The following NBEA variants were observed in gnomAD, a reference collection of about 807,000 sequenced individuals.
NBEA encodes the protein lysosomal-trafficking regulator 2.
NBEA carries 44 observed loss-of-function variants against 343.4 expected under a neutral mutation model. The ratio of observed to expected loss-of-function variants is 0.13; its 90% CI spans 0.10 to 0.16. NBEA has a LOEUF of 0.16. NBEA is among the 10% of genes least tolerant of loss of function. NBEA has a pLI of 1.00. For missense variants in NBEA, 2,555 were observed against 3,631.3 expected (o/e 0.70, Z 7.62); for synonymous variants, 1,175 against 1,238.7 (o/e 0.95, Z 1.08).
intron 41 of NBEA, among the ~76,000 whole-genome samples, chr13:35,541,742 G>GTGTA (rs2078836295): frequency 6.6e-6 from 1 of 151,624 alleles, no homozygotes; most frequent in South Asian, 2.1e-4. Flanking sequence ...GTGTGTGTGT[G>GTGTA]TGTGTGTGTG....
intron 33 of NBEA, among the ~76,000 whole-genome samples, chr13:35,214,210 T>C (rs2073943667): frequency 6.6e-6 from 1 of 152,004 alleles, no homozygotes; most frequent in Non-Finnish European, 1.5e-5. Context: ...CTATAGATAT[T>C]TGAAAACACG....
intron 36 of NBEA, among the ~76,000 whole-genome samples, chr13:35,326,119 T>C (rs973278024): frequency 6.6e-6 from 1 of 152,100 alleles, no homozygotes; most frequent in South Asian, 2.1e-4. Flanking sequence ...TTAGGGTTGC[T>C]TTGGCTGTTC....
chr13:35,476,044 C>G (rs2075847436), intron 41 of NBEA: 1 of 1,614,150 alleles, frequency 6.2e-7, no homozygotes, highest in Non-Finnish European at 8.5e-7. Context: ...GCAGACTTCC[C>G]GGATAGTTTT....
intron 28 of NBEA, among the ~76,000 whole-genome samples, chr13:35,177,497 A>G (rs978384642): frequency 3.9e-5 from 6 of 151,906 alleles, no homozygotes; most frequent in Non-Finnish European, 5.9e-5. Context: ...GTTACTGACA[A>G]TTACTTTTGG....
intron 10 of NBEA, among the ~76,000 whole-genome samples, chr13:35,076,146 T>A (rs915908139): frequency 6.6e-6 from 1 of 151,928 alleles, no homozygotes; most frequent in African/African-American, 2.4e-5. Flanking sequence ...AAAATATTTG[T>A]ATTAGGCTAT....
chr13:35,174,536 G>A (rs1049410397), intron 27 of NBEA, among the ~76,000 whole-genome samples: 2 of 152,114 alleles, frequency 1.3e-5, no homozygotes, highest in African/African-American at 4.8e-5. Flanking sequence ...ATGGCAAGCA[G>A]ACTGACCACA....
intron 1 of NBEA, among the ~76,000 whole-genome samples, chr13:34,958,426 T>A (rs1197059734): frequency 6.6e-6 from 1 of 152,098 alleles, no homozygotes; most frequent in Non-Finnish European, 1.5e-5. Context: ...AAGTTTTGAC[T>A]GGGGGAAGTG....
At chr13:35,248,875 C>T (rs1160502780) in intron 34 of NBEA, among the ~76,000 whole-genome samples, 3 of 152,076 alleles carry the variant, frequency 2.0e-5, no homozygotes, top group Non-Finnish European at 2.9e-5. Flanking sequence ...GATGGCCGAG[C>T]GTGGTAGCTC....
chr13:35,510,559 T>C (rs1427708747), intron 41 of NBEA, among the ~76,000 whole-genome samples: 3 of 152,100 alleles, frequency 2.0e-5, no homozygotes, highest in Admixed American at 2.0e-4. Context: ...TTGCACCAGA[T>C]TTTTTACCGT....
At chr13:35,379,287 T>C (rs1336790110) in intron 38 of NBEA, among the ~76,000 whole-genome samples, 1 of 152,132 alleles carries the variant, frequency 6.6e-6, no homozygotes, top group Non-Finnish European at 1.5e-5. Context: ...CCTTATAGTG[T>C]TAGTGCATTT....
At chr13:35,427,317 G>A (rs2044753329) in intron 38 of NBEA, among the ~76,000 whole-genome samples, 1 of 152,174 alleles carries the variant, frequency 6.6e-6, no homozygotes, top group East Asian at 1.9e-4. Flanking sequence ...TTTTGGTGTG[G>A]ATGTCCTTCC....
At chr13:35,666,576 T>C (rs769021307) in intron 56 of NBEA, among the ~76,000 whole-genome samples, 6 of 152,332 alleles carry the variant, frequency 3.9e-5, no homozygotes, top group Admixed American at 3.9e-4. Context: ...ATCATGTCAC[T>C]TGCTTTGTAA....
At chr13:35,544,249 C>T (rs1170698372) in intron 41 of NBEA, among the ~76,000 whole-genome samples, 1 of 152,016 alleles carries the variant, frequency 6.6e-6, no homozygotes, top group African/African-American at 2.4e-5. Context: ...CAATTCGTAA[C>T]AGGAAATTCA....
At chr13:34,999,810 T>C (rs1264227810) in intron 1 of NBEA, among the ~76,000 whole-genome samples, 1 of 147,560 alleles carries the variant, frequency 6.8e-6, no homozygotes, top group African/African-American at 2.5e-5. Context: ...GGTAACTTGA[T>C]AAGGTTATAT....
chr13:35,166,442 A>G (rs1358204691), intron 24 of NBEA, among the ~76,000 whole-genome samples: 1 of 152,142 alleles, frequency 6.6e-6, no homozygotes, highest in African/African-American at 2.4e-5. Context: ...AATTTTGACC[A>G]CTGTAGTTTG....
intron 1 of NBEA, among the ~76,000 whole-genome samples, chr13:34,958,538 A>AAATAGTAATAATAGGATATTTCACACC (rs2059567693): frequency 6.6e-6 from 1 of 152,122 alleles, no homozygotes; most frequent in African/African-American, 2.4e-5. Flanking sequence ...GGATTTGAAG[A>AAATAGTAATAATAGGATATTTCACACC]AATAGTAATA....
intron 30 of NBEA, among the ~76,000 whole-genome samples, chr13:35,193,798 TCA>T (rs1392371108): frequency 6.6e-6 from 1 of 151,944 alleles, no homozygotes; most frequent in Non-Finnish European, 1.5e-5. Context: ...ATCTATTCTT[TCA>T]GTCTATCATC....
At chr13:35,170,425 T>C (rs2070374366) in intron 25 of NBEA, among the ~76,000 whole-genome samples, 1 of 151,842 alleles carries the variant, frequency 6.6e-6, no homozygotes, top group African/African-American at 2.4e-5. Flanking sequence ...GAGGCACTGA[T>C]AAAATGAGGC....
chr13:35,355,958 TTTA>T (rs1395401356), intron 38 of NBEA, among the ~76,000 whole-genome samples: 6 of 152,020 alleles, frequency 3.9e-5, no homozygotes, highest in Non-Finnish European at 7.4e-5. Flanking sequence ...ATATATTATT[TTTA>T]TTGTTTTGTT....
Sources: gnomAD v4.1 joint callset for allele counts (sites outside exome capture counted in the v4.1 genomes callset) on GRCh38, gnomAD v4.1.1 for gene constraint, MANE v1.5 for transcripts, NCBI Gene and HGNC (gene_info 2026-07-23, HGNC 2026-07-21) for gene names.